Variants in IGF1 observed in about 807,000 individuals in gnomAD.
IGF1 encodes the protein insulin like growth factor 1.
A neutral mutation model predicts 13.8 loss-of-function variants in IGF1; 4 were observed. The ratio of observed to expected loss-of-function variants is 0.29; its 90% CI spans 0.14 to 0.66. The LOEUF (loss-of-function observed/expected upper bound fraction) is 0.66. Among genes scored for constraint, IGF1 ranks in the 30% least tolerant of loss-of-function variants. The probability of loss-of-function intolerance (pLI) is 0.78; values close to 1 mark genes in which losing one functional copy is unlikely to be tolerated. For missense variants in IGF1, 124 were observed against 188.5 expected, an observed-to-expected ratio of 0.66 and a Z score of 2.00; for synonymous variants, 76 against 72.6, an observed-to-expected ratio of 1.05 and a Z score of -0.23.
At chr12:102,404,058 A>G (rs532641762) in intron 3 of IGF1, among the ~76,000 whole-genome samples, 2 of 152,324 alleles carry the variant, frequency 1.3e-5, no homozygotes, top group East Asian at 1.9e-4. Context: ...TCAAGGAGGA[A>G]CTGGCATTTA....
At chr12:102,406,472 G>T (rs1364008981) in intron 3 of IGF1, among the ~76,000 whole-genome samples, 3 of 152,168 alleles carry the variant, frequency 2.0e-5, no homozygotes, top group Non-Finnish European at 4.4e-5. Context: ...CAACTAGACA[G>T]ATTTTTAAAA....
At chr12:102,417,808 C>T (rs1469461714) in intron 3 of IGF1, 3 of 1,613,534 alleles carry the variant, frequency 1.9e-6, no homozygotes, top group Middle Eastern at 3.3e-4. Context: ...CTGTTTAATC[C>T]TCCTGTCCTT....
chr12:102,414,226 CAAT>C (rs1346750307), intron 3 of IGF1, among the ~76,000 whole-genome samples: 1 of 152,090 alleles, frequency 6.6e-6, no homozygotes, highest in Admixed American at 6.5e-5. Context: ...TACACACACA[CAAT>C]CTCAATAAAC....
At chr12:102,475,921 A>G in intron 1 of IGF1, 122 bp from the exon 2 acceptor site, 1 of 1,029,656 alleles carries the variant, frequency 9.7e-7, no homozygotes, top group Non-Finnish European at 1.5e-6. Context: ...ACTACCCAGC[A>G]CAGAAGCCAA....
intron 2 of IGF1, among the ~76,000 whole-genome samples, chr12:102,471,783 ACTCT>A (rs749082028): frequency 6.3e-4 from 96 of 151,872 alleles, no homozygotes; most frequent in Non-Finnish European, 8.1e-4. Flanking sequence ...GACCCCAGAA[ACTCT>A]CTTTCTTTCA....
At position 102,464,360 on chromosome 12, in the gene IGF1, A is replaced by G. The variant is rs117841973; in HGVS notation, c.220+11283T>C. Among the ~76,000 whole-genome samples the G allele has an allele frequency of 1.5e-3, 224 of 151,396 alleles. 1 individual carries two copies. The highest frequency in any genetic ancestry group is 2.5e-3 in the Non-Finnish European group (168 of 67,904). ...CAGATCCAAAATGATGTCAGTAGCA[A>G]ATTGTAAGTCATGGTATATATTCTG... On this transcript the variant is annotated intron_variant, in intron 2 of 3. Coordinates refer to ENST00000337514, the MANE Select transcript of IGF1 (RefSeq NM_000618.5).
At chr12:102,428,721 C>A (rs916957994) in intron 2 of IGF1, among the ~76,000 whole-genome samples, 1 of 152,162 alleles carries the variant, frequency 6.6e-6, no homozygotes. Context: ...TCTTTCGGCC[C>A]CAGGAGGACT....
At chr12:102,455,756 G>A (rs957824871) in intron 2 of IGF1, among the ~76,000 whole-genome samples, 2 of 152,208 alleles carry the variant, frequency 1.3e-5, no homozygotes, top group Admixed American at 6.5e-5. Flanking sequence ...TCCAGTAGAG[G>A]ACTGAGGCAC....
chr12:102,403,607 C>T (rs1380406894), intron 3 of IGF1, among the ~76,000 whole-genome samples: 1 of 149,700 alleles, frequency 6.7e-6, no homozygotes, highest in Admixed American at 6.7e-5. Flanking sequence ...CAGGCGCATG[C>T]CACCATGCCT....
intron 2 of IGF1, among the ~76,000 whole-genome samples, chr12:102,471,800 T>C (rs955223783): frequency 6.6e-6 from 1 of 152,212 alleles, no homozygotes; most frequent in Non-Finnish European, 1.5e-5. Flanking sequence ...TTCTTTCAGT[T>C]GCTCTTAATT....
intron 2 of IGF1, among the ~76,000 whole-genome samples, chr12:102,423,642 T>G (rs1031039609): frequency 6.6e-6 from 1 of 152,180 alleles, no homozygotes; most frequent in East Asian, 1.9e-4. Context: ...GTTAAACAGC[T>G]GGCTTCTATA....
chr12:102,428,968 C>T (rs1023941201), intron 2 of IGF1, among the ~76,000 whole-genome samples: 1 of 152,208 alleles, frequency 6.6e-6, no homozygotes, highest in Non-Finnish European at 1.5e-5. Flanking sequence ...TGGTACCCAA[C>T]ATCTGCCCAG....
intron 3 of IGF1, among the ~76,000 whole-genome samples, chr12:102,409,468 G>T (rs1223850610): frequency 6.6e-6 from 1 of 152,230 alleles, no homozygotes; most frequent in South Asian, 2.1e-4. Flanking sequence ...CGAATTTCCT[G>T]CAGGAATGAT....
chr12:102,479,405 T>C (rs1435532969), intron 1 of IGF1, among the ~76,000 whole-genome samples: 2 of 151,644 alleles, frequency 1.3e-5, no homozygotes, highest in Non-Finnish European at 2.9e-5. Flanking sequence ...CGCTTGCAAA[T>C]TGAAAAAAAA....
chr12:102,425,515 A>G (rs1249648358), intron 2 of IGF1, among the ~76,000 whole-genome samples: 2 of 152,104 alleles, frequency 1.3e-5, no homozygotes, highest in Admixed American at 6.5e-5. Context: ...CCGTTACCCA[A>G]TCAAGTCAAT....
intron 2 of IGF1, among the ~76,000 whole-genome samples, chr12:102,430,361 TG>T (rs769472683): frequency 1.3e-5 from 2 of 152,222 alleles, no homozygotes; most frequent in Non-Finnish European, 2.9e-5. Context: ...CTGCTGGGTA[TG>T]GTCTTTGTAA....
At chr12:102,454,829 T>A (rs1879259240) in intron 2 of IGF1, among the ~76,000 whole-genome samples, 1 of 152,370 alleles carries the variant, frequency 6.6e-6, no homozygotes, top group East Asian at 1.9e-4. Context: ...GCTTTCCTAT[T>A]TGCTGTTTAC....
At chr12:102,436,359 T>G (rs929778840) in intron 2 of IGF1, among the ~76,000 whole-genome samples, 1 of 152,206 alleles carries the variant, frequency 6.6e-6, no homozygotes, top group Non-Finnish European at 1.5e-5. Flanking sequence ...AAGCTGCCTT[T>G]TCTAAATACT....
chr12:102,417,436 C>G, intron 3 of IGF1: 1 of 561,300 alleles, frequency 1.8e-6, no homozygotes, highest in South Asian at 7.8e-5. Flanking sequence ...TTGACATAGG[C>G]AATTCTTCCA....
Sources: allele counts gnomAD v4.1 joint callset (sites outside exome capture counted in the v4.1 genomes callset), GRCh38; gene constraint gnomAD v4.1.1; transcripts MANE v1.5; gene names NCBI Gene and HGNC (gene_info 2026-07-23, HGNC 2026-07-21).